DCAF12: variants seen among roughly 807,000 people sequenced by gnomAD.
The protein encoded by DCAF12 is DDB1 and CUL4 associated factor 12.
In DCAF12, 28 loss-of-function variants were observed where a neutral mutation model predicts 52.8. The ratio of observed to expected loss-of-function variants is 0.53; its 90% confidence interval spans 0.39 to 0.73. DCAF12 has a LOEUF of 0.73. Among genes scored for constraint, DCAF12 ranks in the 30% least tolerant of loss-of-function variants. The pLI is 0.00. For synonymous variants in DCAF12, 196 were observed against 215.5 expected (o/e 0.91, Z 0.79); for missense variants, 425 against 552.2 (o/e 0.77, Z 2.31).
intron 4 of DCAF12, among the ~76,000 whole-genome samples, chr9:34,102,997 G>A (rs1205527535): frequency 6.7e-6 from 1 of 150,224 alleles, no homozygotes; most frequent in Non-Finnish European, 1.5e-5. Flanking sequence ...TGCTGAGACA[G>A]GAGGATTGTT....
At chr9:34,116,484 A>G (rs999068921) in intron 2 of DCAF12, among the ~76,000 whole-genome samples, 1 of 152,060 alleles carries the variant, frequency 6.6e-6, no homozygotes, top group Non-Finnish European at 1.5e-5. Flanking sequence ...CAGCCTGGCC[A>G]ACAAAGTGAA....
rs1285306476 is a variant in DCAF12 at position 34,111,041 on chromosome 9, A to G, written c.334-3476T>C. ...TGCTCTGTCGCCCAGGCTGGAGTGC[A>G]GTGGCATGATCTCAGCTCACTGCAA... is the stretch of plus-strand genomic sequence containing the variant. On this transcript the variant is annotated intron_variant, in intron 2 of 8. Coordinates refer to ENST00000361264, the MANE Select transcript of DCAF12 (RefSeq NM_015397.4). Among the ~76,000 whole-genome samples the G allele has an allele frequency of 2.8e-5, 4 of 140,548 alleles. No individual in the cohort carries two copies. In the East Asian group the frequency reaches 6.2e-4, roughly 22 times the overall value. The allele number at this position is 140,548 out of a possible 152,430, so 92.2% of individuals were successfully genotyped here. A position where few individuals can be genotyped will look rare whatever the true frequency, so the allele number is the denominator to read the frequency against.
intron 5 of DCAF12, among the ~76,000 whole-genome samples, chr9:34,097,716 T>G (rs565872645): frequency 8.0e-4 from 121 of 152,090 alleles, no homozygotes; most frequent in Non-Finnish European, 3.1e-4. Context: ...GTGGATCAAC[T>G]GAGGTCAGGA....
At chr9:34,089,691 T>C (rs2131424113) in intron 7 of DCAF12, 101 bp from the exon 8 acceptor site, 1 of 1,166,336 alleles carries the variant, frequency 8.6e-7, no homozygotes, top group African/African-American at 1.5e-5. Flanking sequence ...ACGTCCACCC[T>C]GCTCCCCTCC....
chr9:34,116,042 TG>T (rs1481573327), intron 2 of DCAF12, among the ~76,000 whole-genome samples: 1 of 152,106 alleles, frequency 6.6e-6, no homozygotes, highest in African/African-American at 2.4e-5. Context: ...CTCTTAGTAC[TG>T]GGGAATAAGG....
chr9:34,086,791 A>T lies in DCAF12; in HGVS notation c.*1559T>A, dbSNP rs1342863646. On this transcript the variant is annotated 3_prime_UTR_variant, in exon 9 of 9. Coordinates refer to ENST00000361264, the MANE Select transcript of DCAF12 (RefSeq NM_015397.4). ...CCAGTAGCCCCCCACCATTAAAAGG[A>T]GAATATATATATAATTTTTTTTCCA... 6.6e-6 allele frequency: 1 copy of T among 152,146 alleles called. No individual in the cohort carries two copies. The highest frequency in any genetic ancestry group is 2.4e-5 in the African/African-American group (1 of 41,434). The allele number at this position is 152,146 out of a possible 1,614,324, so 9.4% of individuals were successfully genotyped here.
Position 34,088,510 on chromosome 9 carries a change from T to TA in DCAF12, c.1204-3dup. The TA allele has an allele frequency of 6.2e-7, 1 of 1,614,088 alleles. No homozygotes were observed. Among genetic ancestry groups the TA allele is most frequent in the Non-Finnish European group, 8.5e-7 (1 of 1,179,976 alleles). ...ATTCCTCCAGGTTTCATCATGATTC[T>TA]ACGGGAAGAGAAAGAGACTACAATT... is the stretch of plus-strand genomic sequence containing the variant. On this transcript the variant is annotated splice_polypyrimidine_tract_variant and splice_region_variant and intron_variant, in intron 8 of 8. Coordinates refer to ENST00000361264, the MANE Select transcript of DCAF12 (RefSeq NM_015397.4).
At chr9:34,120,083 A>ATAT (rs541288606) in intron 2 of DCAF12, among the ~76,000 whole-genome samples, 55 of 151,588 alleles carry the variant, frequency 3.6e-4, no homozygotes, top group Admixed American at 6.6e-4. Flanking sequence ...GGCGCCTATA[A>ATAT]TCCCAGCTAC....
intron 8 of DCAF12, among the ~76,000 whole-genome samples, chr9:34,089,006 G>A (rs746280318): frequency 2.0e-5 from 3 of 151,724 alleles, no homozygotes; most frequent in Non-Finnish European, 4.4e-5. Context: ...CTACTTGGGA[G>A]GCTGAGGCAG....
chr9:34,093,246 A>T, intron 7 of DCAF12, 40 bp downstream of exon 7: 1 of 1,611,436 alleles, frequency 6.2e-7, no homozygotes, highest in Non-Finnish European at 8.5e-7. Flanking sequence ...ACCCATATGC[A>T]GTGCAGCTGT....
rs1829256504 is a variant in DCAF12 at position 34,126,644 on chromosome 9, G to T, written c.-213C>A. On this transcript the variant is annotated 5_prime_UTR_variant, in exon 1 of 9. Transcript: ENST00000361264. ...TGAGCCGGGAAAGGGAAGGGGAAGC[G>T]AGAATGAGCGGCTTTCCGACGGCAG... 6.7e-6 allele frequency: 4 copies of T among 594,346 alleles called. No individual in the cohort carries two copies. Among genetic ancestry groups the T allele is most frequent in the Admixed American group, 6.6e-5 (2 of 30,164 alleles). The allele number at this position is 594,346 out of a possible 1,614,324, so 36.8% of individuals were successfully genotyped here. A position where few individuals can be genotyped will look rare whatever the true frequency, so the allele number is the denominator to read the frequency against.
At chr9:34,091,732 G>A (rs1194967368) in intron 7 of DCAF12, among the ~76,000 whole-genome samples, 3 of 151,828 alleles carry the variant, frequency 2.0e-5, no homozygotes, top group Non-Finnish European at 2.9e-5. Flanking sequence ...GAAAAAGAGA[G>A]GGTGAACTGC....
chr9:34,120,154 A>T (rs1829148560), intron 2 of DCAF12, among the ~76,000 whole-genome samples: 1 of 141,246 alleles, frequency 7.1e-6, no homozygotes, highest in Non-Finnish European at 1.5e-5. Context: ...AGTGAGCTGA[A>T]ACTGAGCCAC....
intron 2 of DCAF12, among the ~76,000 whole-genome samples, chr9:34,108,260 G>T (rs1828936324): frequency 6.6e-6 from 1 of 152,164 alleles, no homozygotes; most frequent in African/African-American, 2.4e-5. Flanking sequence ...TGATTCAACA[G>T]TTCATTCCTT....
chr9:34,123,966 C>T (rs1027176686), intron 2 of DCAF12, among the ~76,000 whole-genome samples: 1 of 152,208 alleles, frequency 6.6e-6, no homozygotes, highest in African/African-American at 2.4e-5. Flanking sequence ...AGGTTGGCCC[C>T]AACCACCATG....
chr9:34,115,995 T>C (rs974992744), intron 2 of DCAF12, among the ~76,000 whole-genome samples: 4 of 152,208 alleles, frequency 2.6e-5, no homozygotes, highest in Admixed American at 6.5e-5. Flanking sequence ...ATACAAAACA[T>C]GGCAATGAAC....
At chr9:34,094,521 A>G (rs1221107855) in intron 6 of DCAF12, among the ~76,000 whole-genome samples, 1 of 149,082 alleles carries the variant, frequency 6.7e-6, no homozygotes, top group African/African-American at 2.5e-5. Flanking sequence ...TGAATTTCGG[A>G]TTTCTCCAGC....
intron 7 of DCAF12, among the ~76,000 whole-genome samples, chr9:34,091,256 G>A (rs1828639533): frequency 6.6e-6 from 1 of 152,000 alleles, no homozygotes; most frequent in Non-Finnish European, 1.5e-5. Context: ...GAACCTGGGA[G>A]GCAGAGGGTG....
At chr9:34,091,592 T>G (rs1401978390) in intron 7 of DCAF12, among the ~76,000 whole-genome samples, 2 of 133,384 alleles carry the variant, frequency 1.5e-5, no homozygotes, top group African/African-American at 5.6e-5. Context: ...GAACTGAGAT[T>G]GCACCACTTT....
Sources: allele counts gnomAD v4.1 joint callset (sites outside exome capture counted in the v4.1 genomes callset), GRCh38; gene constraint gnomAD v4.1.1; transcripts MANE v1.5; gene names NCBI Gene and HGNC (gene_info 2026-07-23, HGNC 2026-07-21).